RYR3: variants seen among roughly 807,000 people sequenced by gnomAD.
RYR3 encodes brain ryanodine receptor-calcium release channel.
A neutral mutation model predicts 584.3 loss-of-function variants in RYR3; 207 were observed. The observed-to-expected ratio is 0.35, with a 90% CI of 0.32 to 0.40. RYR3 has a LOEUF of 0.40. Among genes scored for constraint, RYR3 ranks in the 10% least tolerant of loss-of-function variants. The pLI is 1.00. For missense variants in RYR3, 5,616 were observed against 6,089.2 expected, an observed-to-expected ratio of 0.92 and a Z score of 2.59; for synonymous variants, 2,416 against 2,248.5, an observed-to-expected ratio of 1.07 and a Z score of -2.11.
chr15:33,800,505 A>T (rs1422408459), intron 67 of RYR3, among the ~76,000 whole-genome samples: 1 of 152,262 alleles, frequency 6.6e-6, no homozygotes, highest in Non-Finnish European at 1.5e-5. Context: ...GATTTCTGAC[A>T]TCAGTTTGCT....
intron 1 of RYR3, among the ~76,000 whole-genome samples, chr15:33,336,488 A>AG (rs1971068767): frequency 1.1e-3 from 26 of 23,906 alleles, no homozygotes; most frequent in Admixed American, 2.0e-3. Flanking sequence ...GAGAGAGAGA[A>AG]AGAAAGAAAG....
chr15:33,589,524 A>G (rs1247945152), intron 16 of RYR3, among the ~76,000 whole-genome samples: 1 of 152,188 alleles, frequency 6.6e-6, no homozygotes, highest in Non-Finnish European at 1.5e-5. Flanking sequence ...TTAGTCATAA[A>G]TTCTTTGCCT....
At chr15:33,520,952 A>G (rs2053936879) in intron 3 of RYR3, among the ~76,000 whole-genome samples, 1 of 152,216 alleles carries the variant, frequency 6.6e-6, no homozygotes, top group East Asian at 1.9e-4. Context: ...ATGGATTGGG[A>G]CAAAAGGGGA....
chr15:33,736,495 A>G (rs1366587485), intron 49 of RYR3, among the ~76,000 whole-genome samples, 170 bp downstream of exon 49: 1 of 152,154 alleles, frequency 6.6e-6, no homozygotes, highest in Non-Finnish European at 1.5e-5. Flanking sequence ...TCCTTTCTTG[A>G]ATGCCGAGGT....
intron 42 of RYR3, among the ~76,000 whole-genome samples, chr15:33,706,137 AT>A (rs1299105958): frequency 9.2e-5 from 14 of 152,104 alleles, no homozygotes; most frequent in Admixed American, 2.0e-4. Flanking sequence ...CAGCTATCTT[AT>A]AAAAAAAAAA....
intron 1 of RYR3, among the ~76,000 whole-genome samples, chr15:33,334,623 CA>C (rs1409341063): frequency 3.9e-5 from 6 of 152,048 alleles, no homozygotes; most frequent in Non-Finnish European, 8.8e-5. Flanking sequence ...TAGGCATAGG[CA>C]AAAATTTCAT....
At chr15:33,419,588 C>G (rs1034525107) in intron 1 of RYR3, among the ~76,000 whole-genome samples, 6 of 152,184 alleles carry the variant, frequency 3.9e-5, no homozygotes, top group Non-Finnish European at 7.4e-5. Flanking sequence ...CTGACAGGCT[C>G]TGTCAAACCT....
intron 98 of RYR3, 99 bp from the exon 99 acceptor site, chr15:33,857,681 G>A (rs577485019): frequency 2.7e-5 from 40 of 1,475,834 alleles, no homozygotes; most frequent in African/African-American, 7.0e-5. Context: ...CTCCTTGCCC[G>A]TCCTCACTCT....
Position 33,453,060 on chromosome 15 carries a change from AG to A in RYR3, c.52-20356del, listed in dbSNP as rs1222971601. Among the ~76,000 whole-genome samples, 13 of 63,166 alleles carry A rather than the reference AG, an allele frequency of 2.1e-4. No individual in the cohort carries two copies. In the South Asian group the frequency reaches 6.2e-3, roughly 30 times the overall value. 41.4% of individuals were successfully genotyped at this position (63,166 alleles called of 152,430 possible). ...AGTGAGGTTTGCTGCACTTGAAACT[AG>A]GGTTTTTTTCCTTAGGGGCAGCAGC... On this transcript the variant is annotated intron_variant, in intron 1 of 103. Transcript: ENST00000634891.
chr15:33,446,671 T>G (rs529398853), intron 1 of RYR3, among the ~76,000 whole-genome samples: 1 of 152,332 alleles, frequency 6.6e-6, no homozygotes, highest in South Asian at 2.1e-4. Context: ...TAAAACACTG[T>G]TTCCAAATAC....
At chr15:33,750,364 A>T in intron 57 of RYR3, 78 bp downstream of exon 57, 1 of 1,441,174 alleles carries the variant, frequency 6.9e-7, no homozygotes, top group Non-Finnish European at 9.5e-7. Context: ...TACAAAACCC[A>T]TCCAAGTAAG....
intron 40 of RYR3, among the ~76,000 whole-genome samples, chr15:33,699,381 C>CCT (rs923977895): frequency 2.6e-4 from 38 of 148,740 alleles, no homozygotes; most frequent in African/African-American, 5.9e-4. Context: ...CACTCTCTCT[C>CCT]CTCTCTCTCT....
At chr15:33,678,125 A>T (rs1451651362) in intron 38 of RYR3, among the ~76,000 whole-genome samples, 2 of 152,228 alleles carry the variant, frequency 1.3e-5, no homozygotes, top group East Asian at 1.9e-4. Flanking sequence ...TTGAATGATC[A>T]TTCAGGCACA....
chr15:33,514,587 T>C (rs534695249), intron 3 of RYR3, among the ~76,000 whole-genome samples: 2 of 152,264 alleles, frequency 1.3e-5, no homozygotes, highest in South Asian at 4.1e-4. Flanking sequence ...TGATGAGCTA[T>C]TTGAAAGGTA....
intron 38 of RYR3, among the ~76,000 whole-genome samples, chr15:33,691,489 T>C (rs2065427219): frequency 6.6e-6 from 1 of 152,216 alleles, no homozygotes; most frequent in South Asian, 2.1e-4. Flanking sequence ...ATACTATCAC[T>C]TGAAGTGAAA....
At chr15:33,524,582 T>C (rs2054257214) in intron 3 of RYR3, among the ~76,000 whole-genome samples, 1 of 152,220 alleles carries the variant, frequency 6.6e-6, no homozygotes, top group Non-Finnish European at 1.5e-5. Context: ...GCCCTTTTCA[T>C]ATACTTCCAT....
At chr15:33,421,368 G>A (rs948066419) in intron 1 of RYR3, among the ~76,000 whole-genome samples, 1 of 152,138 alleles carries the variant, frequency 6.6e-6, no homozygotes, top group Admixed American at 6.5e-5. Context: ...AGATCAATTT[G>A]GAGTTGTTGT....
At chr15:33,555,601 T>C (rs976121711) in intron 10 of RYR3, among the ~76,000 whole-genome samples, 2 of 152,138 alleles carry the variant, frequency 1.3e-5, no homozygotes. Flanking sequence ...TGTTCATATG[T>C]TTTGTAAAAA....
chr15:33,479,758 T>C (rs1320597661), intron 2 of RYR3, among the ~76,000 whole-genome samples: 1 of 152,142 alleles, frequency 6.6e-6, no homozygotes, highest in Non-Finnish European at 1.5e-5. Flanking sequence ...GGCATATTAC[T>C]CCATGTAATT....
Sources: allele counts gnomAD v4.1 joint callset (sites outside exome capture counted in the v4.1 genomes callset), GRCh38; gene constraint gnomAD v4.1.1; transcripts MANE v1.5; gene names NCBI Gene and HGNC (gene_info 2026-07-23, HGNC 2026-07-21).